Variants in COL4A1 observed in about 807,000 individuals in gnomAD.
The protein encoded by COL4A1 is collagen type IV alpha 1 chain.
COL4A1 carries 40 observed loss-of-function variants against 216.6 expected under a neutral mutation model. The observed-to-expected ratio is 0.18, with a 90% CI of 0.14 to 0.24. The LOEUF (loss-of-function observed/expected upper bound fraction) is 0.24, where lower values mean the gene tolerates loss of function less well. COL4A1 is among the 10% of genes least tolerant of loss of function. The pLI, the probability that COL4A1 is intolerant of heterozygous loss-of-function variation, is 1.00. For synonymous variants in COL4A1, 839 were observed against 810.7 expected, an observed-to-expected ratio of 1.03 and a Z score of -0.59; for missense variants, 1,628 against 2,196.8, an observed-to-expected ratio of 0.74 and a Z score of 5.18.
intron 1 of COL4A1, among the ~76,000 whole-genome samples, chr13:110,306,300 A>AT (rs1205972438): frequency 1.3e-5 from 2 of 152,354 alleles, no homozygotes; most frequent in East Asian, 3.9e-4. Flanking sequence ...TAAAATATAT[A>AT]TTAATAGAAG....
At chr13:110,166,816 T>C (rs1877366795) in intron 44 of COL4A1, among the ~76,000 whole-genome samples, 1 of 152,164 alleles carries the variant, frequency 6.6e-6, no homozygotes, top group Non-Finnish European at 1.5e-5. Flanking sequence ...TGTATCTGAC[T>C]CAGCAGTAAA....
chr13:110,155,210 C>G, intron 50 of COL4A1, 73 bp downstream of exon 50: 1 of 1,074,560 alleles, frequency 9.3e-7, no homozygotes, highest in Non-Finnish European at 1.5e-6. Flanking sequence ...GGTGTGGAGG[C>G]ACCAGACAGA....
chr13:110,277,631 T>TCCGTGTAACATA (rs1883479168), intron 1 of COL4A1, among the ~76,000 whole-genome samples: 6 of 152,304 alleles, frequency 3.9e-5, no homozygotes, highest in Admixed American at 3.9e-4. Context: ...ACACAGTATG[T>TCCGTGTAACATA]CCGTGTAACA....
Position 110,177,875 on chromosome 13 carries a change from G to A in COL4A1, c.2683C>T (p.Pro895Ser). The change falls in exon 33 of 52, where the codon CCA becomes TCA. Residue 895 changes from proline (P) to serine (S), a missense_variant. This residue lies in a region of COL4A1 where 701 missense variants were observed against 892.5 expected (regional missense o/e 0.79). Transcript: ENST00000375820. ...GTPGQPGSPG[P>S]VGAPGLPGEK... is the part of the protein sequence containing the mutation. Reference sequence around the variant, plus strand: ...CCCGGTAATCCAGGAGCACCCACTGGTCCTGGTGAGCCCGGCTGCCCGGGG... The same window carrying A: ...CCCGGTAATCCAGGAGCACCCACTGATCCTGGTGAGCCCGGCTGCCCGGGG... The A allele has an allele frequency of 1.9e-6, 3 of 1,614,118 alleles. No individual in the cohort carries two copies. Among genetic ancestry groups the A allele is most frequent in the Non-Finnish European group, 2.5e-6 (3 of 1,180,044 alleles).
Position 110,170,656 on chromosome 13 carries a change from G to A in COL4A1, c.3633C>T (p.Phe1211=), listed in dbSNP as rs1165807681. The change falls in exon 42 of 52, where the codon TTC becomes TTT. Residue 1211 remains phenylalanine, a synonymous_variant. Transcript: ENST00000375820. Reference sequence around the variant, plus strand: ...GTCCCTGGGGCCCCGGAGGACCCATGAATCCTTGCTCTCCTTTGGATCCAG... The same window carrying A: ...GTCCCTGGGGCCCCGGAGGACCCATAAATCCTTGCTCTCCTTTGGATCCAG... ...GIPGSKGEQG[F]MGPPGPQGQP... is the part of the protein sequence containing the mutation. The A allele has an allele frequency of 1.9e-6, 3 of 1,613,910 alleles. No homozygotes were observed. The highest frequency in any genetic ancestry group is 1.3e-5 in the African/African-American group (1 of 74,942).
At chr13:110,165,011 T>C (rs745950119) in intron 45 of COL4A1, 21 bp from the exon 46 acceptor site, 2 of 1,599,114 alleles carry the variant, frequency 1.3e-6, no homozygotes, top group African/African-American at 1.3e-5. Context: ...AGGGAAGGCA[T>C]TGATCAATTT....
rs776621819 is a variant in COL4A1 at position 110,175,261 on chromosome 13, G to A, written c.3155C>T (p.Ala1052Val). Residue 1052 changes from alanine to valine, a missense_variant, in exon 37 of 52, where the codon GCA (alanine) becomes GTA (valine). Transcript: ENST00000375820. ...TGGGATGCCTATGCCAGGTGGGCCT[G>A]CCTGCCCTTTCTCTCCTTTTGCACC... ...DKGAKGEKGQAGPPGIGIPGL... is the reference protein window; with the variant it reads ...DKGAKGEKGQVGPPGIGIPGL... 6.2e-7 allele frequency: 1 copy of A among 1,614,092 alleles called. No homozygotes were observed.
rs761356086 is a variant in COL4A1 at position 110,206,897 on chromosome 13, A to G, written c.781-6T>C. The G allele has an allele frequency of 6.2e-7, 1 of 1,614,108 alleles. No individual in the cohort carries two copies. The highest frequency in any genetic ancestry group is 1.1e-5 in the South Asian group (1 of 91,080). On this transcript the variant is annotated splice_region_variant and splice_polypyrimidine_tract_variant and intron_variant, in intron 13 of 51. Transcript: ENST00000375820. ...CCAGGTTCACCTTTTTGGCCCTGAAAGAATTCGAGAGACAGATCAGCACTA... is the reference window on the plus strand; with the variant it reads ...CCAGGTTCACCTTTTTGGCCCTGAAGGAATTCGAGAGACAGATCAGCACTA...
chr13:110,159,593 C>T (rs653553), intron 49 of COL4A1, among the ~76,000 whole-genome samples: 12 of 152,310 alleles, frequency 7.9e-5, no homozygotes, highest in African/African-American at 2.9e-4. Flanking sequence ...CACAATTCTA[C>T]TTCTGGGTGT....
At position 110,160,961 on chromosome 13, in the gene COL4A1, G is replaced by A. The variant is rs77120970; in HGVS notation, c.4640+231C>T. The A allele has an allele frequency of 0.16, 90,286 of 552,716 alleles. 8,134 individuals carry two copies. The highest frequency in any genetic ancestry group is 0.31 in the East Asian group (9,572 of 30,420). 34.2% of individuals were successfully genotyped at this position (552,716 alleles called of 1,614,324 possible). A position where few individuals can be genotyped will look rare whatever the true frequency, so the allele number is the denominator to read the frequency against. On this transcript the variant is annotated intron_variant, in intron 49 of 51. Coordinates refer to ENST00000375820, the MANE Select transcript of COL4A1 (RefSeq NM_001845.6). ...TGAGCTCAAGCAACCCTCTCGCCTC[G>A]GCTTCCCAAAGTGTTGGGATTACGG...
Position 110,205,343 on chromosome 13 carries a change from C to T in COL4A1, c.957+10G>A. On this transcript the variant is annotated intron_variant, in intron 17 of 51. Coordinates refer to ENST00000375820, the MANE Select transcript of COL4A1 (RefSeq NM_001845.6). ...TGAAGATAAAGGCTCACAATAGTGC[C>T]AGCGTTTACCTGCGGGCCCTGGCGG... 1 of 1,613,960 alleles carries T rather than the reference C, an allele frequency of 6.2e-7. No individual in the cohort carries two copies. The highest frequency in any genetic ancestry group is 8.5e-7 in the Non-Finnish European group (1 of 1,179,982).
chr13:110,261,987 G>A (rs537617628), intron 1 of COL4A1, among the ~76,000 whole-genome samples: 2 of 152,322 alleles, frequency 1.3e-5, no homozygotes, highest in African/African-American at 4.8e-5. Context: ...GCGGGAAGCT[G>A]GGAAACACTG....
intron 28 of COL4A1, 141 bp downstream of exon 28, chr13:110,182,852 G>A: frequency 1.4e-6 from 1 of 740,696 alleles, no homozygotes; most frequent in Non-Finnish European, 2.2e-6. Flanking sequence ...AAATCACTGG[G>A]CTCAGCACTG....
chr13:110,243,607 C>T (rs1449238620), intron 1 of COL4A1, among the ~76,000 whole-genome samples: 1 of 152,234 alleles, frequency 6.6e-6, no homozygotes, highest in Admixed American at 6.5e-5. Flanking sequence ...GCATGAGACA[C>T]TGTGCCCAGC....
chr13:110,302,768 C>A (rs1304503418), intron 1 of COL4A1, among the ~76,000 whole-genome samples: 1 of 152,148 alleles, frequency 6.6e-6, no homozygotes, highest in East Asian at 1.9e-4. Flanking sequence ...AGGAATATGT[C>A]TTTTGTATTG....
At chr13:110,220,641 T>C (rs1880429954) in intron 2 of COL4A1, among the ~76,000 whole-genome samples, 1 of 152,110 alleles carries the variant, frequency 6.6e-6, no homozygotes, top group Admixed American at 6.6e-5. Context: ...CACGTGGGGT[T>C]GTTTGGGCAA....
At chr13:110,262,379 G>C (rs144672194) in intron 1 of COL4A1, among the ~76,000 whole-genome samples, 3 of 152,306 alleles carry the variant, frequency 2.0e-5, no homozygotes, top group African/African-American at 7.2e-5. Flanking sequence ...TTCAAAATGC[G>C]TCTGCCCTCC....
chr13:110,220,871 C>T (rs1420496276), intron 2 of COL4A1, among the ~76,000 whole-genome samples: 1 of 152,136 alleles, frequency 6.6e-6, no homozygotes, highest in Non-Finnish European at 1.5e-5. Flanking sequence ...CTCCGTATGG[C>T]CAAGCCTGGA....
chr13:110,187,212 G>A lies in COL4A1; in HGVS notation c.1654C>T (p.Pro552Ser). The change falls in exon 25 of 52, where the codon CCC becomes TCC. Residue 552 changes from proline (P) to serine (S), a missense_variant. Transcript: ENST00000375820. ...GAACCCGCTCTCCCTGGCATGCCGGGCTGTCCTGGAAAGCCTGGGTCTCCT... is the reference window on the plus strand; with the variant it reads ...GAACCCGCTCTCCCTGGCATGCCGGACTGTCCTGGAAAGCCTGGGTCTCCT... ...DKGDPGFPGQPGMPGRAGSPG... is the reference protein window; with the variant it reads ...DKGDPGFPGQSGMPGRAGSPG... The A allele has an allele frequency of 1.9e-6, 3 of 1,613,954 alleles. No individual in the cohort carries two copies. Among genetic ancestry groups the A allele is most frequent in the Non-Finnish European group, 2.5e-6 (3 of 1,179,914 alleles).
Sources: allele counts gnomAD v4.1 joint callset (sites outside exome capture counted in the v4.1 genomes callset), GRCh38; gene constraint gnomAD v4.1.1; regional missense constraint gnomAD v4.1.1; transcripts MANE v1.5; gene names NCBI Gene and HGNC (gene_info 2026-07-23, HGNC 2026-07-21).